Variants in FUT8 observed in about 807,000 individuals in gnomAD.
FUT8 encodes alpha-(1,6)-fucosyltransferase.
In FUT8, 29 loss-of-function variants were observed where a neutral mutation model predicts 71.3. The observed-to-expected ratio is 0.41, with a 90% CI of 0.30 to 0.55. The LOEUF (loss-of-function observed/expected upper bound fraction) is 0.55, where lower values mean the gene tolerates loss of function less well. Ranked by LOEUF, FUT8 falls within the 20% of genes least tolerant of loss-of-function variation. FUT8 has a pLI of 0.34. For missense variants in FUT8, 544 were observed against 702.1 expected (o/e 0.77, Z 2.55); for synonymous variants, 254 against 239.3 (o/e 1.06, Z -0.57).
the FUT8 span, among the ~76,000 whole-genome samples, chr14:65,402,296 G>A: frequency 6.8e-6 from 1 of 147,642 alleles, no homozygotes; most frequent in African/African-American, 2.5e-5. Context: ...TCAACCTTGG[G>A]CTCAAGTTAT....
chr14:65,592,092 C>T (rs527909270), intron 3 of FUT8, among the ~76,000 whole-genome samples: 16 of 152,116 alleles, frequency 1.1e-4, no homozygotes, highest in East Asian at 7.7e-4. Flanking sequence ...GATTTTTCTG[C>T]GACTTTGCAT....
intron 10 of FUT8, among the ~76,000 whole-genome samples, chr14:65,741,410 C>T (rs982531638): frequency 2.6e-5 from 4 of 151,990 alleles, no homozygotes; most frequent in African/African-American, 7.2e-5. Context: ...ATGAATCTCT[C>T]TTGAAAACAG....
chr14:65,442,761 A>G (rs1186669097), intron 1 of FUT8, among the ~76,000 whole-genome samples: 6 of 150,914 alleles, frequency 4.0e-5, no homozygotes, highest in African/African-American at 7.3e-5. Context: ...GCTTGAGCCC[A>G]GGAGGCAGAG....
intron 9 of FUT8, 26 bp from the exon 10 acceptor site, chr14:65,733,205 A>T: frequency 1.4e-6 from 2 of 1,470,558 alleles, no homozygotes; most frequent in South Asian, 1.2e-5. Context: ...ATCTATGACC[A>T]TCTATAAATT....
intron 10 of FUT8, among the ~76,000 whole-genome samples, chr14:65,736,884 T>A (rs573067242): frequency 6.6e-6 from 1 of 152,256 alleles, no homozygotes; most frequent in South Asian, 2.1e-4. Context: ...TTGACAATCT[T>A]TAAGTTTTAT....
chr14:65,591,078 C>T (rs1197085895), intron 3 of FUT8, among the ~76,000 whole-genome samples: 4 of 152,188 alleles, frequency 2.6e-5, no homozygotes, highest in South Asian at 4.1e-4. Flanking sequence ...ACTACTTTGT[C>T]GACATTTTGG....
rs572641537 is a variant in FUT8, at chr14:65,674,198, A to T, written c.835+4718A>T. ...TTCAGTCTTTGATAATTGTATTAATAGAAACTTAAAACAAGTACATTTACT... is the reference window on the plus strand; with the variant it reads ...TTCAGTCTTTGATAATTGTATTAATTGAAACTTAAAACAAGTACATTTACT... On this transcript the variant is annotated intron_variant, in intron 7 of 10. Transcript: ENST00000673929. 8.5e-5 allele frequency among the ~76,000 whole-genome samples: 13 copies of T among 152,344 alleles called. No individual in the cohort carries two copies. The South Asian group carries it at 2.5e-3, about 29-fold the overall frequency.
At chr14:65,430,395 A>G (rs2065454984) in intron 1 of FUT8, 1 of 152,200 alleles carries the variant, frequency 6.6e-6, no homozygotes, top group South Asian at 2.1e-4. Context: ...TTTTTAATAC[A>G]TATAAAATAC....
chr14:65,606,802 G>T (rs1263160407), intron 3 of FUT8, among the ~76,000 whole-genome samples: 1 of 151,596 alleles, frequency 6.6e-6, no homozygotes, highest in Non-Finnish European at 1.5e-5. Flanking sequence ...AGTATTTTAG[G>T]ATCACTTTGC....
chr14:65,362,730 A>C, the FUT8 span, among the ~76,000 whole-genome samples: 1 of 152,128 alleles, frequency 6.6e-6, no homozygotes, highest in African/African-American at 2.4e-5. Context: ...TGGGAGGCTG[A>C]GGCGGGTGAA....
intron 6 of FUT8, among the ~76,000 whole-genome samples, chr14:65,633,634 C>A (rs1246292731): frequency 6.6e-6 from 1 of 150,946 alleles, no homozygotes; most frequent in Non-Finnish European, 1.5e-5. Flanking sequence ...GCCCCGCCGC[C>A]CCGTCTGGGA....
chr14:65,485,565 C>A (rs1363632922), intron 2 of FUT8, among the ~76,000 whole-genome samples: 1 of 152,206 alleles, frequency 6.6e-6, no homozygotes, highest in Non-Finnish European at 1.5e-5. Flanking sequence ...CCTAAGTCTG[C>A]ATGATTATCC....
rs142535038 is a variant in FUT8, at chr14:65,631,978, A to G, written c.597+2372A>G. ...TGGTTTTCTATTCCTGAGTTACTTC[A>G]CTCAGAATAATAGTCTCCAATCTCA... is the stretch of plus-strand genomic sequence containing the variant. On this transcript the variant is annotated intron_variant, in intron 6 of 10. Coordinates refer to ENST00000673929, the MANE Select transcript of FUT8 (RefSeq NM_001371533.1). Among the ~76,000 whole-genome samples the G allele has an allele frequency of 1.6e-3, 242 of 152,110 alleles. 2 individuals are homozygous for G. Among genetic ancestry groups the G allele is most frequent in the Middle Eastern group, 0.01 (3 of 292 alleles).
chr14:65,389,579 C>T, the FUT8 span, among the ~76,000 whole-genome samples: 1 of 151,988 alleles, frequency 6.6e-6, no homozygotes, highest in African/African-American at 2.4e-5. Flanking sequence ...TCCCAAAGTG[C>T]TAGGATGACA....
intron 2 of FUT8, among the ~76,000 whole-genome samples, chr14:65,484,277 T>G (rs74056794): frequency 0.014 from 2,067 of 152,284 alleles, 43 homozygotes; most frequent in East Asian, 0.093. Flanking sequence ...ACCTCTGATA[T>G]AATGTTGAAT....
chr14:65,468,025 T>C, intron 2 of FUT8: 1 of 679,428 alleles, frequency 1.5e-6, no homozygotes, highest in Non-Finnish European at 2.7e-6. Flanking sequence ...CGCACATTAA[T>C]TCTCTTGGCA....
At chr14:65,632,778 T>C (rs1364792570) in intron 6 of FUT8, among the ~76,000 whole-genome samples, 1 of 152,242 alleles carries the variant, frequency 6.6e-6, no homozygotes, top group Admixed American at 6.5e-5. Flanking sequence ...TTCTTGATTA[T>C]GAAATCCTTG....
rs2139689945 is a variant in FUT8 at position 65,483,640 on chromosome 14, A to T, written c.-228+27922A>T. Among the ~76,000 whole-genome samples the T allele has an allele frequency of 2.6e-5, 4 of 152,106 alleles. No individual in the cohort carries two copies. The South Asian group carries it at 8.3e-4, about 32-fold the overall frequency. On this transcript the variant is annotated intron_variant, in intron 2 of 10. Transcript: ENST00000673929. This position sits in a 1 kb window ranked among gnomAD's most constrained non-coding sequence, Gnocchi z 4.4. The stretch of plus-strand genomic sequence containing the variant: ...GTATTTTATTGTTTTCAATGTACTG[A>T]TCTTACCCATATTTTATTAGGTTGA...
intron 7 of FUT8, among the ~76,000 whole-genome samples, chr14:65,688,757 C>CTA (rs1400012610): frequency 6.6e-6 from 1 of 152,172 alleles, no homozygotes; most frequent in Non-Finnish European, 1.5e-5. Context: ...TATGGCAAAA[C>CTA]TATGTTTAGC....
Sources: allele counts gnomAD v4.1 joint callset (sites outside exome capture counted in the v4.1 genomes callset), GRCh38; gene constraint gnomAD v4.1.1; non-coding constraint Gnocchi (gnomAD v3.1); transcripts MANE v1.5; gene names NCBI Gene and HGNC (gene_info 2026-07-23, HGNC 2026-07-21).